CISD1: variants seen among roughly 807,000 people sequenced by gnomAD.
CISD1 encodes the protein CDGSH iron-sulfur domain-containing protein 1.
Under a neutral mutation model 12.0 loss-of-function variants are expected in CISD1, and 8 were observed. The ratio of observed to expected loss-of-function variants is 0.67; its 90% CI spans 0.39 to 1.20. The LOEUF (loss-of-function observed/expected upper bound fraction) is 1.20, where lower values mean the gene tolerates loss of function less well. Ranked by LOEUF, CISD1 falls within the 50% of genes most tolerant of loss-of-function variation. The pLI, the probability that CISD1 is intolerant of heterozygous loss-of-function variation, is 0.01. For missense variants in CISD1, 107 were observed against 132.7 expected (o/e 0.81, Z 0.95); for synonymous variants, 38 against 42.2 (o/e 0.90, Z 0.39).
intron 1 of CISD1, chr10:58,273,364 G>A (rs188867404): frequency 6.6e-6 from 1 of 152,232 alleles, no homozygotes; most frequent in Admixed American, 6.5e-5. Context: ...AGATCTAAGG[G>A]AGGGAAGGGT....
intron 2 of CISD1, among the ~76,000 whole-genome samples, chr10:58,286,646 T>G (rs1028721000): frequency 6.6e-6 from 1 of 152,222 alleles, no homozygotes; most frequent in African/African-American, 2.4e-5. Context: ...GGATTCAGGT[T>G]CTTTGGACCA....
At chr10:58,270,866 G>A (rs1268819411) in intron 1 of CISD1, among the ~76,000 whole-genome samples, 1 of 152,124 alleles carries the variant, frequency 6.6e-6, no homozygotes, top group Admixed American at 6.5e-5. Flanking sequence ...TTTGTTAGGA[G>A]GAGTGATTAT....
chr10:58,282,007 G>T (rs556017457), intron 2 of CISD1, among the ~76,000 whole-genome samples: 4 of 151,466 alleles, frequency 2.6e-5, no homozygotes, highest in Non-Finnish European at 5.9e-5. Context: ...TGTCACCCAG[G>T]CTGGAGTACA....
chr10:58,287,720 ACCT>A lies in CISD1; in HGVS notation c.*72_*74del, dbSNP rs1309639400. 3 of 940,028 alleles carry A rather than the reference ACCT, an allele frequency of 3.2e-6. No homozygotes were observed. Among genetic ancestry groups the A allele is most frequent in the Non-Finnish European group, 4.9e-6 (3 of 616,928 alleles). The allele number at this position is 940,028 out of a possible 1,614,324, so 58.2% of individuals were successfully genotyped here. A position where few individuals can be genotyped will look rare whatever the true frequency, so the allele number is the denominator to read the frequency against. On this transcript the variant is annotated 3_prime_UTR_variant, in exon 3 of 3. Transcript: ENST00000333926. The stretch of plus-strand genomic sequence containing the variant: ...TGATTGTTTAATTAGAATGACTACC[ACCT>A]CTGTCTGATTCACCTTCGCTGGATT...
At chr10:58,271,262 G>C (rs1300775710) in intron 1 of CISD1, among the ~76,000 whole-genome samples, 2 of 148,122 alleles carry the variant, frequency 1.4e-5, no homozygotes, top group Admixed American at 6.7e-5. Flanking sequence ...GATGGCTCTC[G>C]ATCTCCTGAC....
intron 2 of CISD1, among the ~76,000 whole-genome samples, chr10:58,281,490 C>T (rs1367651497): frequency 6.6e-6 from 1 of 152,154 alleles, no homozygotes; most frequent in African/African-American, 2.4e-5. Context: ...TAACAGTTTG[C>T]TTTGAATATT....
intron 2 of CISD1, among the ~76,000 whole-genome samples, chr10:58,287,095 A>G (rs747865421): frequency 6.6e-6 from 1 of 151,998 alleles, no homozygotes; most frequent in East Asian, 1.9e-4. Flanking sequence ...TAATTTTTGT[A>G]TTTTTAGTAG....
chr10:58,288,865 A>G lies in CISD1; in HGVS notation c.*1215A>G, dbSNP rs189769028. The G allele has an allele frequency of 2.0e-5, 3 of 152,392 alleles. No homozygotes were observed. The highest frequency in any genetic ancestry group is 7.2e-5 in the African/African-American group (3 of 41,578). 9.4% of individuals were successfully genotyped at this position (152,392 alleles called of 1,614,324 possible). ...GGTAAACATCATCATTTATTTTAGTATACATGAATTCTCAGTAGTAGTCAA... is the reference window on the plus strand; with the variant it reads ...GGTAAACATCATCATTTATTTTAGTGTACATGAATTCTCAGTAGTAGTCAA... On this transcript the variant is annotated 3_prime_UTR_variant, in exon 3 of 3. Coordinates refer to ENST00000333926, the MANE Select transcript of CISD1 (RefSeq NM_018464.5).
chr10:58,281,373 C>A (rs539334322), intron 2 of CISD1, among the ~76,000 whole-genome samples: 20 of 152,100 alleles, frequency 1.3e-4, no homozygotes, highest in African/African-American at 3.9e-4. Flanking sequence ...CCTTTTTTTC[C>A]CCCTCTGGCT....
In CISD1 at chr10:58,287,657, A is replaced by T. The variant is rs768285670; in HGVS notation, c.*7A>T. ...CAAGAAAAAAGAAACTTAAATGGAC[A>T]CTTTTGATGCTGCAAATCAGCTTGT... is the stretch of plus-strand genomic sequence containing the variant. On this transcript the variant is annotated 3_prime_UTR_variant, in exon 3 of 3. Transcript: ENST00000333926. 1 of 1,578,486 alleles carries T rather than the reference A, an allele frequency of 6.3e-7. No homozygotes were observed. The highest frequency in any genetic ancestry group is 8.7e-7 in the Non-Finnish European group (1 of 1,153,250).
Position 58,287,678 on chromosome 10 carries a change from C to G in CISD1, c.*28C>G. ...GGACACTTTTGATGCTGCAAATCAGCTTGTCGTGAAGTTACCTGATTGTTT... is the reference window on the plus strand; with the variant it reads ...GGACACTTTTGATGCTGCAAATCAGGTTGTCGTGAAGTTACCTGATTGTTT... On this transcript the variant is annotated 3_prime_UTR_variant, in exon 3 of 3. Coordinates refer to ENST00000333926, the MANE Select transcript of CISD1 (RefSeq NM_018464.5). The G allele has an allele frequency of 6.8e-7, 1 of 1,476,972 alleles. No homozygotes were observed. Among genetic ancestry groups the G allele is most frequent in the Non-Finnish European group, 9.4e-7 (1 of 1,069,182 alleles). 91.5% of individuals were successfully genotyped at this position (1,476,972 alleles called of 1,614,324 possible). A position where few individuals can be genotyped will look rare whatever the true frequency, so the allele number is the denominator to read the frequency against.
chr10:58,287,827 T>TAA lies in CISD1; in HGVS notation c.*177_*178insAA. On this transcript the variant is annotated 3_prime_UTR_variant, in exon 3 of 3. Transcript: ENST00000333926. Reference sequence around the variant, plus strand: ...TTGAAACATCGTGGTGCACATTTGTTTAAACAAAAAAAAAAAAAAAAAGGA... The same window carrying TAA: ...TTGAAACATCGTGGTGCACATTTGTTAATAAACAAAAAAAAAAAAAAAAAGGA... The TAA allele has an allele frequency of 2.7e-6, 1 of 368,342 alleles. No homozygotes were observed. The highest frequency in any genetic ancestry group is 5.7e-5 in the Admixed American group (1 of 17,394). The allele number at this position is 368,342 out of a possible 1,614,324, so 22.8% of individuals were successfully genotyped here.
intron 2 of CISD1, chr10:58,283,122 T>C (rs905920148): frequency 6.6e-6 from 1 of 152,124 alleles, no homozygotes; most frequent in African/African-American, 2.4e-5. Context: ...TTGTCGTTGG[T>C]AGTAGGCTTG....
chr10:58,284,590 A>G (rs1839408511), intron 2 of CISD1, among the ~76,000 whole-genome samples: 1 of 152,188 alleles, frequency 6.6e-6, no homozygotes, highest in South Asian at 2.1e-4. Flanking sequence ...GTTTGCTTTT[A>G]AGAATATGAA....
In CISD1 at chr10:58,287,630, A is replaced by G; in HGVS notation, c.307A>G (p.Ile103Val). ...TGGAGACAATGTGGGCCCTCTGATC[A>G]TCAAGAAAAAAGAAACTTAAATGGA... Reference protein sequence around the residue: ...ETGDNVGPLIIKKKET With the variant: ...ETGDNVGPLIVKKKET Residue 103 changes from isoleucine (I) to valine (V), a missense_variant, in exon 3 of 3, where the codon ATC (isoleucine) becomes GTC (valine). Coordinates refer to ENST00000333926, the MANE Select transcript of CISD1 (RefSeq NM_018464.5). 6.2e-7 allele frequency: 1 copy of G among 1,609,342 alleles called. No individual in the cohort carries two copies.
At chr10:58,274,523 AG>A (rs1839290180) in intron 1 of CISD1, among the ~76,000 whole-genome samples, 1 of 146,030 alleles carries the variant, frequency 6.8e-6, no homozygotes, top group Non-Finnish European at 1.5e-5. Context: ...GAATTTGGGA[AG>A]GGAAAAAAAA....
At chr10:58,273,938 G>A (rs935665981) in intron 1 of CISD1, among the ~76,000 whole-genome samples, 4 of 151,960 alleles carry the variant, frequency 2.6e-5, no homozygotes, top group African/African-American at 9.7e-5. Flanking sequence ...GTTCAAGACC[G>A]GCCTGGCCAA....
chr10:58,270,763 G>A (rs1306971303), intron 1 of CISD1, among the ~76,000 whole-genome samples: 1 of 152,214 alleles, frequency 6.6e-6, no homozygotes, highest in Non-Finnish European at 1.5e-5. Context: ...AACCATAGGG[G>A]AATTCAAAGG....
intron 2 of CISD1, among the ~76,000 whole-genome samples, chr10:58,280,948 A>G (rs913320855): frequency 2.0e-5 from 3 of 152,220 alleles, no homozygotes; most frequent in Admixed American, 2.0e-4. Flanking sequence ...TTAAAGTGCA[A>G]ATTAACTAAT....
Sources: gnomAD v4.1 joint callset for allele counts (sites outside exome capture counted in the v4.1 genomes callset) on GRCh38, gnomAD v4.1.1 for gene constraint, MANE v1.5 for transcripts, NCBI Gene and HGNC (gene_info 2026-07-23, HGNC 2026-07-21) for gene names.